TMEM38B: variants seen among roughly 807,000 people sequenced by gnomAD.
The protein encoded by TMEM38B is trimeric intracellular cation channel type B.
In TMEM38B, 24 loss-of-function variants were observed where a neutral mutation model predicts 28.7. The ratio of observed to expected loss-of-function variants is 0.84; its 90% confidence interval spans 0.61 to 1.18. The LOEUF (loss-of-function observed/expected upper bound fraction) is 1.18. TMEM38B is among the 50% of genes most tolerant of loss of function. TMEM38B has a pLI of 0.00. For synonymous variants in TMEM38B, 131 were observed against 127.7 expected (o/e 1.03, Z -0.17); for missense variants, 380 against 350.9 (o/e 1.08, Z -0.66).
rs1826705778 is a variant in TMEM38B, at chr9:105,775,736, T to C, written c.*1656T>C. On this transcript the variant is annotated 3_prime_UTR_variant, in exon 6 of 6. Coordinates refer to ENST00000374692, the MANE Select transcript of TMEM38B (RefSeq NM_018112.3). Reference sequence around the variant, plus strand: ...ATTGACCAGTTTTGAAGTTTGGGTTTAACTGTAGTTGAAATGGAAGGACTC... The same window carrying C: ...ATTGACCAGTTTTGAAGTTTGGGTTCAACTGTAGTTGAAATGGAAGGACTC... 6.6e-6 allele frequency: 1 copy of C among 152,184 alleles called. No homozygotes were observed. The highest frequency in any genetic ancestry group is 6.6e-5 in the Admixed American group (1 of 15,266). The allele number at this position is 152,184 out of a possible 1,614,324, so 9.4% of individuals were successfully genotyped here.
At chr9:105,773,466 A>C (rs745934255) in intron 5 of TMEM38B, among the ~76,000 whole-genome samples, 1 of 152,186 alleles carries the variant, frequency 6.6e-6, no homozygotes, top group Admixed American at 6.5e-5. Flanking sequence ...TTGGTTCCAC[A>C]TCTCAATGAT....
Position 105,774,811 on chromosome 9 carries a change from G to A in TMEM38B, c.*731G>A, listed in dbSNP as rs572070802. 3 of 151,910 alleles carry A rather than the reference G, an allele frequency of 2.0e-5. No homozygotes were observed. The highest frequency in any genetic ancestry group is 7.2e-5 in the African/African-American group (3 of 41,492). The allele number at this position is 151,910 out of a possible 1,614,324, so 9.4% of individuals were successfully genotyped here. On this transcript the variant is annotated 3_prime_UTR_variant, in exon 6 of 6. Transcript: ENST00000374692. ...TTTTTTGGCCTCAAAAAAATCAAGG[G>A]TGTAATTTTTAATAAATTGTTAATC...
intron 5 of TMEM38B, chr9:105,758,404 G>C: frequency 7.4e-7 from 1 of 1,344,674 alleles, no homozygotes; most frequent in South Asian, 1.2e-5. Context: ...TTTCGAGCAG[G>C]AATGCCTCTA....
In TMEM38B at chr9:105,759,748, C is replaced by T. The variant is rs1201532582; in HGVS notation, c.660+11558C>T. The T allele has an allele frequency of 2.5e-6, 4 of 1,606,344 alleles. No homozygotes were observed. In the East Asian group the frequency reaches 6.7e-5, roughly 27 times the overall value. The stretch of plus-strand genomic sequence containing the variant: ...TCATTCAGAGGAAAATATTCAAAAG[C>T]CATTCCGTGCTGGTTTTAAGAGAAC... On this transcript the variant is annotated intron_variant, in intron 5 of 5. Coordinates refer to ENST00000374692, the MANE Select transcript of TMEM38B (RefSeq NM_018112.3).
chr9:105,760,038 T>C, intron 5 of TMEM38B: 1 of 1,304,182 alleles, frequency 7.7e-7, no homozygotes. Context: ...TTTCAGAAAA[T>C]TCTTTACTTC....
intron 2 of TMEM38B, among the ~76,000 whole-genome samples, chr9:105,716,390 GTA>G (rs1836098988): frequency 6.6e-6 from 1 of 151,984 alleles, no homozygotes; most frequent in East Asian, 1.9e-4. Flanking sequence ...GTGTGTGTGT[GTA>G]TATTTCCAAA....
At chr9:105,727,497 A>G (rs990020432) in intron 4 of TMEM38B, among the ~76,000 whole-genome samples, 10 of 152,084 alleles carry the variant, frequency 6.6e-5, no homozygotes, top group Admixed American at 6.6e-4. Context: ...ATATTTTTGG[A>G]TTTTGGAATA....
chr9:105,739,169 A>G (rs963339874), intron 4 of TMEM38B, among the ~76,000 whole-genome samples: 5 of 152,246 alleles, frequency 3.3e-5, no homozygotes, highest in Middle Eastern at 3.4e-3. Flanking sequence ...GCATAGATGT[A>G]TGGGTTTATT....
At chr9:105,734,008 T>G (rs1256101319) in intron 4 of TMEM38B, among the ~76,000 whole-genome samples, 1 of 152,108 alleles carries the variant, frequency 6.6e-6, no homozygotes, top group Non-Finnish European at 1.5e-5. Flanking sequence ...CTTTGTTCTT[T>G]TTTTATTTCC....
intron 4 of TMEM38B, among the ~76,000 whole-genome samples, chr9:105,734,938 A>T (rs1836915790): frequency 6.6e-6 from 1 of 150,606 alleles, no homozygotes; most frequent in East Asian, 1.9e-4. Flanking sequence ...CATTCATCCT[A>T]GAAAAGGGAT....
At chr9:105,740,292 G>T (rs1223221122) in intron 4 of TMEM38B, among the ~76,000 whole-genome samples, 5 of 124,956 alleles carry the variant, frequency 4.0e-5, no homozygotes, top group African/African-American at 1.6e-4. Context: ...ACAGGGTCTT[G>T]CTCTGTTGCC....
Position 105,720,979 on chromosome 9 carries a change from G to A in TMEM38B, c.270-558G>A, listed in dbSNP as rs1328474344. Reference sequence around the variant, plus strand: ...AGAACAGCTTCATATTCTTTCAGCTGTATAGAAATGTGTTTTTCCTTAATA... The same window carrying A: ...AGAACAGCTTCATATTCTTTCAGCTATATAGAAATGTGTTTTTCCTTAATA... On this transcript the variant is annotated intron_variant, in intron 2 of 5. Coordinates refer to ENST00000374692, the MANE Select transcript of TMEM38B (RefSeq NM_018112.3). Among the ~76,000 whole-genome samples the A allele has an allele frequency of 3.9e-5, 6 of 152,174 alleles. No individual in the cohort carries two copies. In the East Asian group the frequency reaches 1.2e-3, roughly 29 times the overall value.
intron 4 of TMEM38B, among the ~76,000 whole-genome samples, chr9:105,732,223 G>A (rs557735141): frequency 1.4e-4 from 22 of 152,106 alleles, no homozygotes; most frequent in South Asian, 1.2e-3. Context: ...TTGTCAGATG[G>A]GTAGATTGCA....
intron 5 of TMEM38B, among the ~76,000 whole-genome samples, chr9:105,748,769 G>A (rs1195156193): frequency 2.6e-5 from 4 of 152,144 alleles, no homozygotes; most frequent in Non-Finnish European, 4.4e-5. Context: ...GGATTGGAGA[G>A]GATGCATGTC....
chr9:105,764,102 AT>A (rs1838168907), intron 5 of TMEM38B, among the ~76,000 whole-genome samples: 1 of 145,130 alleles, frequency 6.9e-6, no homozygotes, highest in African/African-American at 2.6e-5. Context: ...AGAGCTATCT[AT>A]GACAAACCCA....
chr9:105,745,660 C>A (rs1203268149), intron 4 of TMEM38B, among the ~76,000 whole-genome samples: 3 of 152,124 alleles, frequency 2.0e-5, no homozygotes, highest in Non-Finnish European at 2.9e-5. Flanking sequence ...GAAGTCCTTG[C>A]CCATGCCTAT....
intron 4 of TMEM38B, among the ~76,000 whole-genome samples, chr9:105,745,016 T>A (rs1425022482): frequency 4.6e-5 from 7 of 152,358 alleles, no homozygotes; most frequent in Non-Finnish European, 4.4e-5. Context: ...GTTCCAAGTC[T>A]TTGCTATTGT....
At chr9:105,722,768 A>T in intron 4 of TMEM38B, 147 bp downstream of exon 4, 1 of 584,150 alleles carries the variant, frequency 1.7e-6, no homozygotes, top group Non-Finnish European at 2.9e-6. Flanking sequence ...AGAACTAGCA[A>T]ATTTTGTTCT....
Position 105,748,124 on chromosome 9 carries a change from C to G in TMEM38B, c.594C>G (p.Thr198=). The change falls in exon 5 of 6, where the codon ACC becomes ACG. Residue 198 remains threonine, a synonymous_variant. Transcript: ENST00000374692. ...CAGTTATCTTCACATTCCAGCACACCCAGCATCTGGCAATATCAAAGCATA... is the reference window on the plus strand; with the variant it reads ...CAGTTATCTTCACATTCCAGCACACGCAGCATCTGGCAATATCAAAGCATA... The part of the protein sequence containing the change: ...LGSVIFTFQH[T]QHLAISKHNL... 6.2e-7 allele frequency: 1 copy of G among 1,613,540 alleles called. No individual in the cohort carries two copies. The highest frequency in any genetic ancestry group is 8.5e-7 in the Non-Finnish European group (1 of 1,179,686).
Sources: allele counts gnomAD v4.1 joint callset (sites outside exome capture counted in the v4.1 genomes callset), GRCh38; gene constraint gnomAD v4.1.1; transcripts MANE v1.5; gene names NCBI Gene and HGNC (gene_info 2026-07-23, HGNC 2026-07-21).